The following GUCA1C variants were observed in gnomAD, a reference collection of about 807,000 sequenced individuals.
GUCA1C encodes the protein guanylyl cyclase-activating protein 3.
In GUCA1C, 15 loss-of-function variants were observed where a neutral mutation model predicts 16.2. The observed-to-expected ratio is 0.93, with a 90% CI of 0.62 to 1.43. The LOEUF is 1.43. Among genes scored for constraint, GUCA1C ranks in the 40% most tolerant of loss-of-function variants. The pLI is 0.00. For missense variants in GUCA1C, 275 were observed against 244.8 expected (o/e 1.12, Z -0.82); for synonymous variants, 78 against 85.4 (o/e 0.91, Z 0.48).
intron 1 of GUCA1C, among the ~76,000 whole-genome samples, chr3:108,940,027 T>C (rs111516468): frequency 5.9e-5 from 9 of 152,344 alleles, no homozygotes; most frequent in African/African-American, 2.2e-4. Context: ...AAAGTTGATG[T>C]CTTTAACAGG....
At chr3:108,941,867 CTGTT>C (rs1346987964) in intron 1 of GUCA1C, among the ~76,000 whole-genome samples, 1 of 152,180 alleles carries the variant, frequency 6.6e-6, no homozygotes, top group African/African-American at 2.4e-5. Flanking sequence ...GTCCTGACGA[CTGTT>C]TGGTTACCCA....
Position 108,908,214 on chromosome 3 carries a change from A to T in GUCA1C, c.443-5T>A. On this transcript the variant is annotated splice_region_variant and splice_polypyrimidine_tract_variant and intron_variant, in intron 3 of 3. Transcript: ENST00000261047. Reference sequence around the variant, plus strand: ...ATTCTTCTAAAGTCAATTCCCCTGGAAAATAATAAACAGTTAATAAGAGGC... The same window carrying T: ...ATTCTTCTAAAGTCAATTCCCCTGGTAAATAATAAACAGTTAATAAGAGGC... 6.3e-7 allele frequency: 1 copy of T among 1,599,154 alleles called. No individual in the cohort carries two copies. Among genetic ancestry groups the T allele is most frequent in the Non-Finnish European group, 8.6e-7 (1 of 1,166,694 alleles).
At chr3:108,936,979 T>C (rs1946733432) in intron 1 of GUCA1C, among the ~76,000 whole-genome samples, 1 of 152,142 alleles carries the variant, frequency 6.6e-6, no homozygotes, top group Admixed American at 6.6e-5. Flanking sequence ...TGTGTCCATT[T>C]TGGAATCCTT....
intron 1 of GUCA1C, among the ~76,000 whole-genome samples, chr3:108,922,819 C>T (rs1946582278): frequency 6.6e-6 from 1 of 152,122 alleles, no homozygotes; most frequent in Non-Finnish European, 1.5e-5. Context: ...CTATCCCTCC[C>T]CTAGCCCCCT....
intron 1 of GUCA1C, among the ~76,000 whole-genome samples, chr3:108,924,012 T>G (rs1165045659): frequency 6.6e-6 from 1 of 152,198 alleles, no homozygotes; most frequent in Non-Finnish European, 1.5e-5. Context: ...ATCCTTAACT[T>G]TTGCTGAATT....
chr3:108,950,209 A>C (rs1946884411), intron 1 of GUCA1C, among the ~76,000 whole-genome samples: 1 of 152,184 alleles, frequency 6.6e-6, no homozygotes, highest in African/African-American at 2.4e-5. Flanking sequence ...ATGTTGCTGG[A>C]AATGACAGGA....
chr3:108,937,543 AG>A (rs1946738158), intron 1 of GUCA1C, among the ~76,000 whole-genome samples: 2 of 152,244 alleles, frequency 1.3e-5, no homozygotes, highest in African/African-American at 4.8e-5. Context: ...TTTTAGTTCT[AG>A]AAACAGTCCT....
At chr3:108,925,060 T>C (rs13068222) in intron 1 of GUCA1C, among the ~76,000 whole-genome samples, 3,857 of 152,152 alleles carry the variant, frequency 0.025, 75 homozygotes, top group Middle Eastern at 0.12. Flanking sequence ...GTCAATTTTA[T>C]TTATCTTTTC....
chr3:108,931,425 G>T (rs1265547655), intron 1 of GUCA1C, among the ~76,000 whole-genome samples: 1 of 152,202 alleles, frequency 6.6e-6, no homozygotes, highest in Non-Finnish European at 1.5e-5. Flanking sequence ...GAACAACCTG[G>T]TTAATCAAAC....
At chr3:108,940,592 G>A (rs1261482332) in intron 1 of GUCA1C, among the ~76,000 whole-genome samples, 3 of 152,202 alleles carry the variant, frequency 2.0e-5, no homozygotes, top group African/African-American at 7.2e-5. Flanking sequence ...AAAACAGCAC[G>A]AATAAATGTC....
At chr3:108,910,393 G>C (rs1946438009) in intron 3 of GUCA1C, among the ~76,000 whole-genome samples, 1 of 151,804 alleles carries the variant, frequency 6.6e-6, no homozygotes, top group African/African-American at 2.4e-5. Flanking sequence ...ACCTACTTGG[G>C]AGGCTGAGGC....
intron 1 of GUCA1C, among the ~76,000 whole-genome samples, chr3:108,929,977 T>C (rs1946652270): frequency 6.6e-6 from 1 of 152,196 alleles, no homozygotes; most frequent in African/African-American, 2.4e-5. Flanking sequence ...GGACTGCAAG[T>C]TTAGGTAGTG....
intron 1 of GUCA1C, among the ~76,000 whole-genome samples, chr3:108,926,334 T>G (rs1040339822): frequency 6.6e-6 from 1 of 152,202 alleles, no homozygotes; most frequent in Non-Finnish European, 1.5e-5. Context: ...GTTAGGTGAG[T>G]CTCTTGAAGG....
At chr3:108,928,452 A>C (rs1946641695) in intron 1 of GUCA1C, among the ~76,000 whole-genome samples, 1 of 151,808 alleles carries the variant, frequency 6.6e-6, no homozygotes, top group African/African-American at 2.4e-5. Context: ...ATTTTGATAA[A>C]CTCCAGCTTA....
intron 1 of GUCA1C, among the ~76,000 whole-genome samples, chr3:108,946,789 C>T (rs956910893): frequency 3.4e-5 from 5 of 146,744 alleles, no homozygotes; most frequent in East Asian, 2.0e-4. Flanking sequence ...AGGAAGAAGA[C>T]GATTAGAGAA....
intron 1 of GUCA1C, among the ~76,000 whole-genome samples, chr3:108,929,063 C>T (rs1346297410): frequency 3.3e-5 from 5 of 152,200 alleles, no homozygotes; most frequent in African/African-American, 1.2e-4. Context: ...GTCTCCCTTT[C>T]CATGAATATA....
chr3:108,939,257 G>A lies in GUCA1C; in HGVS notation c.204+14302C>T, dbSNP rs933074766. On this transcript the variant is annotated intron_variant, in intron 1 of 3. Coordinates refer to ENST00000261047, the MANE Select transcript of GUCA1C (RefSeq NM_005459.4). ...ATAGAAGAGGTGAGTTGAGAATGTAGAAAATGGCAGAATTTGATGGTGGGA... is the reference window on the plus strand; with the variant it reads ...ATAGAAGAGGTGAGTTGAGAATGTAAAAAATGGCAGAATTTGATGGTGGGA... 6.2e-5 allele frequency among the ~76,000 whole-genome samples: 9 copies of A among 145,312 alleles called. No homozygotes were observed. In the East Asian group the frequency reaches 1.9e-3, roughly 30 times the overall value.
intron 1 of GUCA1C, among the ~76,000 whole-genome samples, chr3:108,946,295 T>C (rs577413509): frequency 3.3e-5 from 5 of 151,576 alleles, no homozygotes; most frequent in African/African-American, 7.3e-5. Flanking sequence ...GCCCAGCTAC[T>C]TTTTTTGTGC....
In GUCA1C at chr3:108,908,709, C is replaced by G. The variant is rs80171013; in HGVS notation, c.443-500G>C. ...GTTATTTTTGCTCATTAGTTCTCTA[C>G]TCCTTTTCTGGTTTTTGAGTCCTGA... On this transcript the variant is annotated intron_variant, in intron 3 of 3. Coordinates refer to ENST00000261047, the MANE Select transcript of GUCA1C (RefSeq NM_005459.4). 5.6e-3 allele frequency among the ~76,000 whole-genome samples: 858 copies of G among 152,310 alleles called. 12 individuals carry two copies. Among genetic ancestry groups the G allele is most frequent in the African/African-American group, 0.02 (823 of 41,566 alleles).
Sources: allele counts gnomAD v4.1 joint callset (sites outside exome capture counted in the v4.1 genomes callset), GRCh38; gene constraint gnomAD v4.1.1; transcripts MANE v1.5; gene names NCBI Gene and HGNC (gene_info 2026-07-23, HGNC 2026-07-21).